CNTN5: variants seen among roughly 807,000 people sequenced by gnomAD.
CNTN5 encodes contactin 5.
In CNTN5, 77 loss-of-function variants were observed where a neutral mutation model predicts 129.1. That is an observed-to-expected ratio of 0.60 (90% CI 0.50 to 0.72). The LOEUF (loss-of-function observed/expected upper bound fraction) is 0.72. Ranked by LOEUF, CNTN5 falls within the 30% of genes least tolerant of loss-of-function variation. The pLI, the probability that CNTN5 is intolerant of heterozygous loss-of-function variation, is 0.00. For synonymous variants in CNTN5, 509 were observed against 465.6 expected, an observed-to-expected ratio of 1.09 and a Z score of -1.20; for missense variants, 1,478 against 1,328.8, an observed-to-expected ratio of 1.11 and a Z score of -1.75.
chr11:99,504,771 C>T (rs1346950941), intron 2 of CNTN5, among the ~76,000 whole-genome samples: 2 of 152,064 alleles, frequency 1.3e-5, no homozygotes, highest in East Asian at 3.9e-4. Context: ...TTTGCTGACT[C>T]CATAGACTTA....
chr11:99,465,950 C>T (rs190625651), intron 2 of CNTN5, among the ~76,000 whole-genome samples: 2,349 of 144,434 alleles, frequency 0.016, 67 homozygotes, highest in African/African-American at 0.057. Context: ...GGTGCGATCT[C>T]GGCTCACTGC....
intron 1 of CNTN5, among the ~76,000 whole-genome samples, chr11:99,124,042 A>G (rs1015727038): frequency 6.6e-6 from 1 of 151,862 alleles, no homozygotes; most frequent in African/African-American, 2.4e-5. Context: ...TATGAATTGT[A>G]TTTATTGTCC....
At chr11:99,507,880 A>G (rs529789426) in intron 2 of CNTN5, among the ~76,000 whole-genome samples, 79 of 152,352 alleles carry the variant, frequency 5.2e-4, no homozygotes, top group African/African-American at 1.8e-3. Flanking sequence ...TTCAAGATAA[A>G]TAACTATTAC....
intron 15 of CNTN5, among the ~76,000 whole-genome samples, chr11:100,211,343 A>G (rs1949026382): frequency 6.6e-6 from 1 of 152,158 alleles, no homozygotes; most frequent in Non-Finnish European, 1.5e-5. Context: ...CCCAAGATTA[A>G]CAACTAAAAT....
At chr11:100,001,711 CTT>C (rs912553188) in intron 8 of CNTN5, among the ~76,000 whole-genome samples, 2 of 152,180 alleles carry the variant, frequency 1.3e-5, no homozygotes, top group Admixed American at 1.3e-4. Context: ...ATTTTGATAA[CTT>C]TTCTTATTTA....
intron 8 of CNTN5, among the ~76,000 whole-genome samples, chr11:99,991,598 C>CCTGG (rs1440574097): frequency 6.6e-6 from 1 of 152,160 alleles, no homozygotes; most frequent in African/African-American, 2.4e-5. Flanking sequence ...GATGCTAAAT[C>CCTGG]CCAGATAGAG....
At chr11:99,182,955 A>G (rs1445410747) in intron 1 of CNTN5, among the ~76,000 whole-genome samples, 2 of 152,174 alleles carry the variant, frequency 1.3e-5, no homozygotes, top group African/African-American at 2.4e-5. Flanking sequence ...GTTTATTAGT[A>G]GATAATGGGG....
intron 16 of CNTN5, among the ~76,000 whole-genome samples, chr11:100,241,064 T>C (rs1464769322): frequency 2.0e-5 from 3 of 152,186 alleles, no homozygotes; most frequent in Non-Finnish European, 2.9e-5. Context: ...GTACTTTCCA[T>C]ATTTTAGCAC....
At chr11:99,432,929 C>T (rs1010142746) in intron 2 of CNTN5, among the ~76,000 whole-genome samples, 4 of 149,724 alleles carry the variant, frequency 2.7e-5, no homozygotes, top group Admixed American at 2.0e-4. Flanking sequence ...AAAGTACACA[C>T]TGTGAGAGGA....
intron 13 of CNTN5, among the ~76,000 whole-genome samples, chr11:100,152,572 T>C (rs2138316452): frequency 6.6e-6 from 1 of 152,246 alleles, no homozygotes; most frequent in Middle Eastern, 3.4e-3. Flanking sequence ...CAATATATAT[T>C]CATTGATTGA....
chr11:99,240,968 A>G (rs1315484629), intron 1 of CNTN5, among the ~76,000 whole-genome samples: 1 of 152,192 alleles, frequency 6.6e-6, no homozygotes, highest in Non-Finnish European at 1.5e-5. Context: ...ACAAGTCAGA[A>G]ATGTTCTTAA....
chr11:99,041,200 G>C (rs1345475545), intron 1 of CNTN5, among the ~76,000 whole-genome samples: 1 of 152,052 alleles, frequency 6.6e-6, no homozygotes, highest in Non-Finnish European at 1.5e-5. Flanking sequence ...AAATTTGCCT[G>C]TAACATTTAT....
At chr11:99,633,001 A>G (rs1465022660) in intron 3 of CNTN5, among the ~76,000 whole-genome samples, 8 of 152,106 alleles carry the variant, frequency 5.3e-5, no homozygotes, top group African/African-American at 1.9e-4. Context: ...TGCTAAAAAG[A>G]TACACCCTCT....
chr11:99,772,993 A>G (rs1944996763), intron 3 of CNTN5, among the ~76,000 whole-genome samples: 1 of 152,120 alleles, frequency 6.6e-6, no homozygotes, highest in Non-Finnish European at 1.5e-5. Flanking sequence ...TAATATACAC[A>G]TAATGTATAA....
chr11:99,111,230 C>T (rs1857780413), intron 1 of CNTN5, among the ~76,000 whole-genome samples: 1 of 151,940 alleles, frequency 6.6e-6, no homozygotes, highest in Non-Finnish European at 1.5e-5. Flanking sequence ...ACATGTTGCA[C>T]GCCCATCAGT....
At chr11:99,845,313 C>A in intron 6 of CNTN5, 51 bp downstream of exon 6, 1 of 834,220 alleles carries the variant, frequency 1.2e-6, no homozygotes. Flanking sequence ...TGTGTATATA[C>A]AGTATGGATT....
chr11:100,110,041 T>A (rs944227819), intron 13 of CNTN5, among the ~76,000 whole-genome samples: 14 of 151,868 alleles, frequency 9.2e-5, no homozygotes, highest in African/African-American at 3.4e-4. Flanking sequence ...TAGCCTGGCA[T>A]GGTGTCGTGT....
intron 16 of CNTN5, among the ~76,000 whole-genome samples, chr11:100,255,139 T>C (rs1396316898): frequency 2.0e-5 from 3 of 152,330 alleles, no homozygotes; most frequent in East Asian, 1.9e-4. Context: ...AAAAGGAAGC[T>C]AATCATAGAT....
intron 1 of CNTN5, among the ~76,000 whole-genome samples, chr11:99,064,536 T>C (rs1288436117): frequency 6.6e-6 from 1 of 152,096 alleles, no homozygotes; most frequent in Non-Finnish European, 1.5e-5. Flanking sequence ...AGAAGACTTT[T>C]TTATATTTAA....
Sources: allele counts gnomAD v4.1 joint callset (sites outside exome capture counted in the v4.1 genomes callset), GRCh38; gene constraint gnomAD v4.1.1; transcripts MANE v1.5; gene names NCBI Gene and HGNC (gene_info 2026-07-23, HGNC 2026-07-21).